The following PDHB variants were observed in gnomAD, a reference collection of about 807,000 sequenced individuals.
PDHB encodes pyruvate dehydrogenase E1 component subunit beta, mitochondrial.
A neutral mutation model predicts 42.8 loss-of-function variants in PDHB; 17 were observed. The observed-to-expected ratio is 0.40, with a 90% CI of 0.27 to 0.60. The LOEUF is 0.60. PDHB is among the 20% of genes least tolerant of loss of function. The pLI is 0.46. For missense variants in PDHB, 322 were observed against 451.3 expected, an observed-to-expected ratio of 0.71 and a Z score of 2.60; for synonymous variants, 154 against 148.7, an observed-to-expected ratio of 1.04 and a Z score of -0.26.
chr3:58,433,482 G>A, intron 2 of PDHB, 149 bp downstream of exon 2: 2 of 827,820 alleles, frequency 2.4e-6, no homozygotes, highest in Non-Finnish European at 2.0e-6. Context: ...CGGCGACAGA[G>A]GCAGCAGGAG....
chr3:58,428,592 C>T lies in PDHB; in HGVS notation c.815G>A (p.Arg272Lys). 1 of 1,613,588 alleles carries T rather than the reference C, an allele frequency of 6.2e-7. No homozygotes were observed. The highest frequency in any genetic ancestry group is 8.5e-7 in the Non-Finnish European group (1 of 1,179,530). The change falls in exon 9 of 10, where the codon AGA becomes AAA. Residue 272 changes from arginine (R) to lysine (K), a missense_variant. Around this residue, in one of 3 missense-constraint regions of PDHB, gnomAD observed 208 missense variants for 285.0 expected, o/e 0.73. Coordinates refer to ENST00000302746, the MANE Select transcript of PDHB (RefSeq NM_000925.4). ...TTCTATGGTTTCCATGTCCATTGGT[C>T]TAATGGTACGCATATTTATCACCTA... ...ECEVINMRTI[R>K]PMDMETIEAS...
Position 58,431,102 on chromosome 3 carries a change from GCA to G in PDHB, c.304-162_304-161del. 1.2e-5 allele frequency: 9 copies of G among 728,496 alleles called. No homozygotes were observed. The South Asian group carries it at 1.3e-4, about 11-fold the overall frequency. 45.1% of individuals were successfully genotyped at this position (728,496 alleles called of 1,614,324 possible). On this transcript the variant is annotated intron_variant, in intron 5 of 9. Coordinates refer to ENST00000302746, the MANE Select transcript of PDHB (RefSeq NM_000925.4). The surrounding 1 kb of genome is among the most constrained non-coding windows in gnomAD (Gnocchi z 4.4). ...CTGTCACCCATGCTGGAGTGCAGTGGCACACATCATAGCTCACTGCAGCCTCT... is the reference window on the plus strand; with the variant it reads ...CTGTCACCCATGCTGGAGTGCAGTGGCACATCATAGCTCACTGCAGCCTCT...
chr3:58,433,630 C>A lies in PDHB; in HGVS notation c.96+1G>T. On this transcript the variant is annotated splice_donor_variant, in intron 2 of 9. Coordinates refer to ENST00000302746, the MANE Select transcript of PDHB (RefSeq NM_000925.4). LOFTEE classifies it high-confidence loss of function. ...GTCCGACGAGCACCCGCGCCTGTTA[C>A]CTGCAGCGCAGCCGGCGCGGTCCAG... 6.2e-7 allele frequency: 1 copy of A among 1,610,248 alleles called. No homozygotes were observed. The highest frequency in any genetic ancestry group is 8.5e-7 in the Non-Finnish European group (1 of 1,178,968).
At position 58,431,124 on chromosome 3, in the gene PDHB, G is replaced by A. The variant is rs2062916437; in HGVS notation, c.304-182C>T. 1.5e-6 allele frequency: 1 copy of A among 651,474 alleles called. No individual in the cohort carries two copies. The allele number at this position is 651,474 out of a possible 1,614,324, so 40.4% of individuals were successfully genotyped here. A position where few individuals can be genotyped will look rare whatever the true frequency, so the allele number is the denominator to read the frequency against. On this transcript the variant is annotated intron_variant, in intron 5 of 9. Coordinates refer to ENST00000302746, the MANE Select transcript of PDHB (RefSeq NM_000925.4). This position sits in a 1 kb window ranked among gnomAD's most constrained non-coding sequence, Gnocchi z 4.4. ...GTGGCACACATCATAGCTCACTGCA[G>A]CCTCTAACTCCTAGGCTCAAGTAAT...
At chr3:58,429,874 G>A (rs748810067) in intron 7 of PDHB, 75 bp from the exon 8 acceptor site, 2 of 889,350 alleles carry the variant, frequency 2.2e-6, no homozygotes, top group African/African-American at 3.3e-5. Flanking sequence ...GCCAGCTGTG[G>A]CTCTTGTTCA....
intron 6 of PDHB, 147 bp downstream of exon 6, chr3:58,430,510 A>G: frequency 1.3e-6 from 1 of 771,920 alleles, no homozygotes; most frequent in Non-Finnish European, 2.1e-6. Context: ...AAGCAAGCAC[A>G]TTCTTTACTA....
intron 2 of PDHB, chr3:58,432,247 A>G (rs2062926818): frequency 2.1e-6 from 1 of 478,986 alleles, no homozygotes; most frequent in Non-Finnish European, 3.8e-6. Flanking sequence ...TGCTCTTTTA[A>G]TATAATGAAT....
rs1388846618 is a variant in PDHB at position 58,430,917 on chromosome 3, A to C, written c.329T>G (p.Phe110Cys). The change falls in exon 6 of 10, where the codon TTT becomes TGT. Residue 110 changes from phenylalanine (F) to cysteine (C), a missense_variant. Coordinates refer to ENST00000302746, the MANE Select transcript of PDHB (RefSeq NM_000925.4). ...AMAGLRPICE[F>C]MTFNFSMQAI... Reference sequence around the variant, plus strand: ...TTGCATGGAGAAATTGAAGGTCATAAATTCACAAATGGGCCGCAACCCAGC... The same window carrying C: ...TTGCATGGAGAAATTGAAGGTCATACATTCACAAATGGGCCGCAACCCAGC... 1 of 1,614,228 alleles carries C rather than the reference A, an allele frequency of 6.2e-7. No homozygotes were observed. The highest frequency in any genetic ancestry group is 1.7e-5 in the Admixed American group (1 of 60,030).
intron 2 of PDHB, chr3:58,432,281 A>G (rs1222758452): frequency 9.6e-6 from 4 of 416,972 alleles, no homozygotes; most frequent in Non-Finnish European, 1.8e-5. Context: ...TAAAAAAAGG[A>G]AGGAGAGGAG....
rs2062920493 is a variant in PDHB at position 58,431,532 on chromosome 3, A to C, written c.303+61T>G. ...GACAACAGAGTGAGACTCTGTCTCA[A>C]AAGAAAAAAAAAGAAAACAAGAAAT... On this transcript the variant is annotated intron_variant, in intron 5 of 9. Coordinates refer to ENST00000302746, the MANE Select transcript of PDHB (RefSeq NM_000925.4). The surrounding 1 kb of genome is among the most constrained non-coding windows in gnomAD (Gnocchi z 4.4). The C allele has an allele frequency of 7.3e-7, 1 of 1,376,338 alleles. No homozygotes were observed. The highest frequency in any genetic ancestry group is 1.0e-6 in the Non-Finnish European group (1 of 966,112). 85.3% of individuals were successfully genotyped at this position (1,376,338 alleles called of 1,614,324 possible). A position where few individuals can be genotyped will look rare whatever the true frequency, so the allele number is the denominator to read the frequency against.
In PDHB at chr3:58,429,665, G is replaced by A. The variant is rs779962985; in HGVS notation, c.792+43C>T. On this transcript the variant is annotated intron_variant, in intron 8 of 9. Transcript: ENST00000302746. Reference sequence around the variant, plus strand: ...ACTCTTCTGGGTCTTAAATCTAAAAGGAGCCCTTCTAATTCTTTAAGAACA... The same window carrying A: ...ACTCTTCTGGGTCTTAAATCTAAAAAGAGCCCTTCTAATTCTTTAAGAACA... The A allele has an allele frequency of 7.7e-6, 9 of 1,175,772 alleles. No homozygotes were observed. The African/African-American group carries it at 1.4e-4, about 18-fold the overall frequency. 72.8% of individuals were successfully genotyped at this position (1,175,772 alleles called of 1,614,324 possible).
In PDHB at chr3:58,431,550, C is replaced by T. The variant is rs750430342; in HGVS notation, c.303+43G>A. The T allele has an allele frequency of 6.6e-7, 1 of 1,504,492 alleles. No homozygotes were observed. Among genetic ancestry groups the T allele is most frequent in the South Asian group, 1.1e-5 (1 of 88,628 alleles). 93.2% of individuals were successfully genotyped at this position (1,504,492 alleles called of 1,614,324 possible). A position where few individuals can be genotyped will look rare whatever the true frequency, so the allele number is the denominator to read the frequency against. On this transcript the variant is annotated intron_variant, in intron 5 of 9. Coordinates refer to ENST00000302746, the MANE Select transcript of PDHB (RefSeq NM_000925.4). The surrounding 1 kb of genome is among the most constrained non-coding windows in gnomAD (Gnocchi z 4.4). ...TGTCTCAAAAGAAAAAAAAAGAAAA[C>T]AAGAAATGTCTTTGGATAAGTTTCA...
At position 58,430,952 on chromosome 3, in the gene PDHB, C is replaced by G. The variant is rs1349270970; in HGVS notation, c.304-10G>C. ...TGGGCCGCAACCCAGCCTGTAAAAT[C>G]AAAAACGTGGATGTTAAAAAGACTA... On this transcript the variant is annotated splice_polypyrimidine_tract_variant and intron_variant, in intron 5 of 9. Transcript: ENST00000302746. 1.2e-6 allele frequency: 2 copies of G among 1,613,930 alleles called. No homozygotes were observed. Among genetic ancestry groups the G allele is most frequent in the Non-Finnish European group, 1.7e-6 (2 of 1,179,888 alleles).
rs1349270970 is a variant in PDHB at position 58,430,952 on chromosome 3, C to A, written c.304-10G>T. On this transcript the variant is annotated splice_polypyrimidine_tract_variant and intron_variant, in intron 5 of 9. Coordinates refer to ENST00000302746, the MANE Select transcript of PDHB (RefSeq NM_000925.4). ...TGGGCCGCAACCCAGCCTGTAAAAT[C>A]AAAAACGTGGATGTTAAAAAGACTA... 2.5e-6 allele frequency: 4 copies of A among 1,613,928 alleles called. No homozygotes were observed. The highest frequency in any genetic ancestry group is 1.7e-5 in the Admixed American group (1 of 60,032).
chr3:58,428,289 T>C (rs565269921), intron 9 of PDHB, 110 bp from the exon 10 acceptor site: 1 of 1,221,874 alleles, frequency 8.2e-7, no homozygotes. Flanking sequence ...ATGCTAATTA[T>C]GGGGAACCGC....
chr3:58,431,069 GGGTC>G lies in PDHB; in HGVS notation c.304-131_304-128del. The G allele has an allele frequency of 5.2e-6, 5 of 958,302 alleles. No homozygotes were observed. The highest frequency in any genetic ancestry group is 1.4e-5 in the South Asian group (1 of 69,470). 59.4% of individuals were successfully genotyped at this position (958,302 alleles called of 1,614,324 possible). On this transcript the variant is annotated intron_variant, in intron 5 of 9. Transcript: ENST00000302746. The surrounding 1 kb of genome is among the most constrained non-coding windows in gnomAD (Gnocchi z 4.4). ...TTTTTATTTTTATTTTTTATGGACAGGGTCTCACTGTCACCCATGCTGGAGTGCA... is the reference window on the plus strand; with the variant it reads ...TTTTTATTTTTATTTTTTATGGACAGTCACTGTCACCCATGCTGGAGTGCA...
rs2062916153 is a variant in PDHB at position 58,431,092 on chromosome 3, G to A, written c.304-150C>T. ...CAGGGTCTCACTGTCACCCATGCTG[G>A]AGTGCAGTGGCACACATCATAGCTC... On this transcript the variant is annotated intron_variant, in intron 5 of 9. Transcript: ENST00000302746. The surrounding 1 kb of genome is among the most constrained non-coding windows in gnomAD (Gnocchi z 4.4). 1 of 775,898 alleles carries A rather than the reference G, an allele frequency of 1.3e-6. No individual in the cohort carries two copies. The highest frequency in any genetic ancestry group is 2.2e-6 in the Non-Finnish European group (1 of 463,204). 48.1% of individuals were successfully genotyped at this position (775,898 alleles called of 1,614,324 possible).
rs2070662 is a variant in PDHB, at chr3:58,429,863, C to A, written c.701-64G>T. ...AACTGAAGATGCTACACCACTGTGC[C>A]GCCAGCTGTGGCTCTTGTTCATTCA... On this transcript the variant is annotated intron_variant, in intron 7 of 9. Coordinates refer to ENST00000302746, the MANE Select transcript of PDHB (RefSeq NM_000925.4). The A allele has an allele frequency of 0.77, 731,795 of 949,714 alleles. 283,374 individuals carry two copies. The highest frequency in any genetic ancestry group is 0.79 in the Middle Eastern group (3,823 of 4,816). 58.8% of individuals were successfully genotyped at this position (949,714 alleles called of 1,614,324 possible). A position where few individuals can be genotyped will look rare whatever the true frequency, so the allele number is the denominator to read the frequency against.
intron 2 of PDHB, chr3:58,433,383 G>A: frequency 1.7e-6 from 1 of 596,352 alleles, no homozygotes; most frequent in Non-Finnish European, 3.0e-6. Context: ...AAAAAAACAT[G>A]GAGTGAGGGA....
Sources: gnomAD v4.1 joint callset for allele counts on GRCh38, gnomAD v4.1.1 for gene constraint, gnomAD v4.1.1 regional missense constraint, Gnocchi (gnomAD v3.1) non-coding constraint, MANE v1.5 for transcripts, NCBI Gene and HGNC (gene_info 2026-07-23, HGNC 2026-07-21) for gene names.